Variants in NLGN1 observed in about 807,000 individuals in gnomAD.
NLGN1 encodes the protein neuroligin-1.
In NLGN1, 12 loss-of-function variants were observed where a neutral mutation model predicts 65.5. The observed-to-expected ratio is 0.18, with a 90% confidence interval of 0.12 to 0.30. The LOEUF (loss-of-function observed/expected upper bound fraction) is 0.30. Ranked by LOEUF, NLGN1 falls within the 10% of genes least tolerant of loss-of-function variation. NLGN1 has a pLI of 1.00. For missense variants in NLGN1, 750 were observed against 1,007.1 expected (o/e 0.74, Z 3.46); for synonymous variants, 350 against 359.5 (o/e 0.97, Z 0.30).
chr3:174,040,504 C>T (rs944071816), intron 4 of NLGN1, among the ~76,000 whole-genome samples: 3 of 151,722 alleles, frequency 2.0e-5, no homozygotes, highest in Admixed American at 1.3e-4. Flanking sequence ...TGTAGGGCAC[C>T]TCATTTTATA....
At chr3:173,421,679 C>T (rs963332007) in intron 1 of NLGN1, among the ~76,000 whole-genome samples, 20 of 151,454 alleles carry the variant, frequency 1.3e-4, no homozygotes, top group Non-Finnish European at 2.7e-4. Flanking sequence ...ACCATCATGC[C>T]GGGATAAATT....
At chr3:173,969,768 T>C (rs1192521573) in intron 4 of NLGN1, among the ~76,000 whole-genome samples, 1 of 152,096 alleles carries the variant, frequency 6.6e-6, no homozygotes, top group East Asian at 1.9e-4. Context: ...GGAAACTTGA[T>C]TTTTATTGTC....
At chr3:173,989,021 A>C (rs1720535656) in intron 4 of NLGN1, among the ~76,000 whole-genome samples, 1 of 152,138 alleles carries the variant, frequency 6.6e-6, no homozygotes, top group Admixed American at 6.6e-5. Flanking sequence ...GATTGAGAAT[A>C]ATTTTGATGA....
chr3:173,435,130 A>C (rs1222872805), intron 2 of NLGN1: 2 of 152,656 alleles, frequency 1.3e-5, no homozygotes, highest in African/African-American at 4.8e-5. Flanking sequence ...TTAGAAAAGT[A>C]GTAACAAAAG....
At chr3:173,841,241 G>A (rs1018352465) in intron 4 of NLGN1, among the ~76,000 whole-genome samples, 2 of 151,970 alleles carry the variant, frequency 1.3e-5, no homozygotes, top group Non-Finnish European at 1.5e-5. Context: ...CAAGTGGATT[G>A]TTACTTCTAG....
chr3:173,977,092 TAC>T (rs112753620), intron 4 of NLGN1, among the ~76,000 whole-genome samples: 19 of 150,178 alleles, frequency 1.3e-4, no homozygotes, highest in East Asian at 5.9e-4. Context: ...AGGAAAAAGA[TAC>T]ACACACACAC....
At chr3:173,465,884 G>C (rs1423155258) in intron 2 of NLGN1, among the ~76,000 whole-genome samples, 2 of 152,146 alleles carry the variant, frequency 1.3e-5, no homozygotes, top group Non-Finnish European at 2.9e-5. Flanking sequence ...GAAATAAAGA[G>C]GAGGAAAATA....
intron 3 of NLGN1, among the ~76,000 whole-genome samples, chr3:173,663,859 CT>C (rs377287677): frequency 0.058 from 8,370 of 144,756 alleles, 269 homozygotes; most frequent in African/African-American, 0.097. Context: ...ATCACTGCTA[CT>C]TTTTTTTTTT....
intron 4 of NLGN1, among the ~76,000 whole-genome samples, chr3:173,914,418 G>A (rs1052021242): frequency 7.9e-5 from 12 of 152,016 alleles, no homozygotes; most frequent in Admixed American, 5.9e-4. Flanking sequence ...GAAGCATGGA[G>A]GCTACTTGAA....
chr3:174,015,221 A>C (rs780697184), intron 4 of NLGN1, among the ~76,000 whole-genome samples: 11 of 152,206 alleles, frequency 7.2e-5, no homozygotes, highest in Non-Finnish European at 1.6e-4. Flanking sequence ...TTATCAAGTT[A>C]TGTGCTATGT....
chr3:173,628,894 A>T (rs561141542), intron 3 of NLGN1, among the ~76,000 whole-genome samples: 1 of 151,888 alleles, frequency 6.6e-6, no homozygotes, highest in South Asian at 2.1e-4. Context: ...GGGTTTCACC[A>T]TGTTGGCCAG....
In NLGN1 at chr3:174,272,665, G is replaced by GGATAGATAGATA. The variant is rs779724767; in HGVS notation, c.647-2617_647-2606dup. Among the ~76,000 whole-genome samples, 1,013 of 116,628 alleles carry GGATAGATAGATA rather than the reference G, an allele frequency of 8.7e-3. 6 individuals are homozygous for GGATAGATAGATA. The highest frequency in any genetic ancestry group is 0.011 in the South Asian group (39 of 3,490). 76.5% of individuals were successfully genotyped at this position (116,628 alleles called of 152,430 possible). ...TGATGATATGGATGGATGGATGGAT[G>GGATAGATAGATA]GATAGATAGATAGATAGATAGATAG... On this transcript the variant is annotated intron_variant, in intron 4 of 6. Coordinates refer to ENST00000457714, the Ensembl canonical transcript of NLGN1.
At chr3:173,686,850 G>A (rs1764754462) in intron 3 of NLGN1, among the ~76,000 whole-genome samples, 1 of 152,118 alleles carries the variant, frequency 6.6e-6, no homozygotes, top group Non-Finnish European at 1.5e-5. Flanking sequence ...CTACTCAGGA[G>A]GCTGAGGCAG....
chr3:173,507,104 C>A (rs1216910508), intron 2 of NLGN1, among the ~76,000 whole-genome samples: 1 of 152,160 alleles, frequency 6.6e-6, no homozygotes, highest in Admixed American at 6.6e-5. Context: ...CTACTTCACA[C>A]TTCTCTGCAG....
chr3:174,275,572 GCCA>G, intron 5 of NLGN1, 45 bp downstream of exon 5: 1 of 1,171,480 alleles, frequency 8.5e-7, no homozygotes, highest in Non-Finnish European at 1.3e-6. Context: ...GTGTCTGCAT[GCCA>G]CCACCATCAG....
Position 174,007,673 on chromosome 3 carries a change from G to A in NLGN1, c.646+199841G>A, listed in dbSNP as rs1272945101. Among the ~76,000 whole-genome samples, 4 of 152,288 alleles carry A rather than the reference G, an allele frequency of 2.6e-5. No individual in the cohort carries two copies. In the East Asian group the frequency reaches 7.7e-4, roughly 29 times the overall value. The stretch of plus-strand genomic sequence containing the variant: ...TAGCAGACTGCACTGGATGAAATAA[G>A]CCCAATATAGTGAAATGATAACTAC... On this transcript the variant is annotated intron_variant, in intron 4 of 6. Coordinates refer to ENST00000457714, the Ensembl canonical transcript of NLGN1.
chr3:173,560,137 G>A (rs980183473), intron 2 of NLGN1, among the ~76,000 whole-genome samples: 1 of 151,834 alleles, frequency 6.6e-6, no homozygotes, highest in African/African-American at 2.4e-5. Flanking sequence ...TAGAGACGGG[G>A]TTTCACCGCG....
intron 2 of NLGN1, among the ~76,000 whole-genome samples, chr3:173,536,714 C>T (rs1158650678): frequency 6.6e-6 from 1 of 152,132 alleles, no homozygotes; most frequent in African/African-American, 2.4e-5. Context: ...TTAGTCAGGA[C>T]TCTCCAGATA....
In NLGN1 at chr3:173,574,062, CAAAAAAA is replaced by C. The variant is rs1192427397; in HGVS notation, c.-320-30202_-320-30196del. ...TGAGCAATAGAGCGAGACTCCACCT[CAAAAAAA>C]AAAAAAAAAAAAAAGAAAAAGAAAA... On this transcript the variant is annotated intron_variant, in intron 2 of 6. Transcript: ENST00000457714. Among the ~76,000 whole-genome samples, 106 of 51,922 alleles carry C rather than the reference CAAAAAAA, an allele frequency of 2.0e-3. 1 individual carries two copies. The highest frequency in any genetic ancestry group is 8.3e-3 in the African/African-American group (105 of 12,686). 34.1% of individuals were successfully genotyped at this position (51,922 alleles called of 152,430 possible).
Sources: gnomAD v4.1 joint callset for allele counts (sites outside exome capture counted in the v4.1 genomes callset) on GRCh38, gnomAD v4.1.1 for gene constraint, MANE v1.5 for transcripts, NCBI Gene and HGNC (gene_info 2026-07-23, HGNC 2026-07-21) for gene names.